The following ADAM12 variants were observed in gnomAD, a reference collection of about 807,000 sequenced individuals.
The protein encoded by ADAM12 is ADAM metallopeptidase domain 12, also known as disintegrin and metalloproteinase domain-containing protein 12.
A neutral mutation model predicts 106.4 loss-of-function variants in ADAM12; 70 were observed. The observed-to-expected ratio is 0.66, with a 90% CI of 0.54 to 0.80. The LOEUF (loss-of-function observed/expected upper bound fraction) is 0.80. Among genes scored for constraint, ADAM12 ranks in the 30% least tolerant of loss-of-function variants. The pLI is 0.00. For missense variants in ADAM12, 1,010 were observed against 1,171.9 expected, an observed-to-expected ratio of 0.86 and a Z score of 2.02; for synonymous variants, 420 against 433.5, an observed-to-expected ratio of 0.97 and a Z score of 0.39.
Position 126,169,237 on chromosome 10 carries a change from C to T in ADAM12, c.261-13932G>A, listed in dbSNP as rs546221797. Reference sequence around the variant, plus strand: ...CTGCCTCGCCAACTCTTAGTAACCCCCATCCAAAATGACAGTATCTGCAGC... The same window carrying T: ...CTGCCTCGCCAACTCTTAGTAACCCTCATCCAAAATGACAGTATCTGCAGC... On this transcript the variant is annotated intron_variant, in intron 3 of 22. Transcript: ENST00000448723. Among the ~76,000 whole-genome samples the T allele has an allele frequency of 5.9e-5, 9 of 152,326 alleles. No individual in the cohort carries two copies. The East Asian group carries it at 1.5e-3, about 26-fold the overall frequency.
At chr10:126,155,111 G>T (rs117234790) in intron 4 of ADAM12, 116 bp downstream of exon 4, 13 of 1,135,718 alleles carry the variant, frequency 1.1e-5, no homozygotes, top group African/African-American at 4.7e-5. Flanking sequence ...GCGCTTCTTG[G>T]GGGGGCCTAA....
chr10:126,263,154 T>C (rs1044331068), intron 3 of ADAM12, among the ~76,000 whole-genome samples: 2 of 152,206 alleles, frequency 1.3e-5, no homozygotes, highest in Non-Finnish European at 2.9e-5. Context: ...CCCTGCATGA[T>C]TCCTCATCTA....
Position 126,388,130 on chromosome 10 carries a change from G to A in ADAM12, c.16C>T (p.Leu6=). 1.6e-6 allele frequency: 2 copies of A among 1,217,878 alleles called. No homozygotes were observed. Among genetic ancestry groups the A allele is most frequent in the East Asian group, 3.3e-5 (1 of 30,144 alleles). The allele number at this position is 1,217,878 out of a possible 1,614,324, so 75.4% of individuals were successfully genotyped here. ...AGGGCGCGGGCGGGGGACACGGGCA[G>A]CGGGCGCGCTGCCATCGTCGCCGGC... MAARP[L]PVSPARALLL... The change falls in exon 1 of 23, where the codon CTG becomes TTG. Residue 6 remains leucine, a synonymous_variant. Coordinates refer to ENST00000448723, the MANE Select transcript of ADAM12 (RefSeq NM_001288973.2). The surrounding 1 kb of genome is among the most constrained non-coding windows in gnomAD (Gnocchi z 4.4).
chr10:126,095,715 T>C (rs1798879545), intron 10 of ADAM12, among the ~76,000 whole-genome samples: 2 of 151,672 alleles, frequency 1.3e-5, no homozygotes, highest in South Asian at 4.2e-4. Context: ...TGCCATGTGA[T>C]CCCCCGCACT....
At chr10:126,173,854 C>G (rs1480153282) in intron 3 of ADAM12, among the ~76,000 whole-genome samples, 1 of 151,818 alleles carries the variant, frequency 6.6e-6, no homozygotes, top group East Asian at 1.9e-4. Flanking sequence ...GAGTCAGCAT[C>G]GCAGGGGTCT....
chr10:126,121,356 T>A (rs1956106024), intron 5 of ADAM12, among the ~76,000 whole-genome samples: 1 of 124,166 alleles, frequency 8.1e-6, no homozygotes. Context: ...GTAACATATA[T>A]TATATATTAC....
In ADAM12 at chr10:126,066,752, C is replaced by T. The variant is rs867390805; in HGVS notation, c.1378G>A (p.Val460Met). The change falls in exon 13 of 23, where the codon GTG becomes ATG. Residue 460 changes from valine to methionine, a missense_variant. By Grantham distance (21) the Val-to-Met change is conservative. Around this residue, in one of 3 missense-constraint regions of ADAM12, gnomAD observed 615 missense variants for 708.5 expected, o/e 0.87. Transcript: ENST00000448723. The surrounding 1 kb of genome is among the most constrained non-coding windows in gnomAD (Gnocchi z 5.1). ...TCACAGCACAGCCCATGTGCGCACA[C>T]AGCGTCCGGCTTCAGGGTACAGGTG... ...ATTCTLKPDAVCAHGLCCEDC... is the reference protein window; with the variant it reads ...ATTCTLKPDAMCAHGLCCEDC... 37 of 1,614,124 alleles carry T rather than the reference C, an allele frequency of 2.3e-5. No homozygotes were observed. The East Asian group carries it at 6.2e-4, about 27-fold the overall frequency.
At chr10:126,324,347 G>C (rs1048240899) in intron 2 of ADAM12, among the ~76,000 whole-genome samples, 1 of 152,210 alleles carries the variant, frequency 6.6e-6, no homozygotes, top group Non-Finnish European at 1.5e-5. Context: ...TGCAAGCATG[G>C]TGTAAAGAAC....
chr10:126,378,182 A>T (rs1856360209), intron 1 of ADAM12, among the ~76,000 whole-genome samples: 1 of 152,208 alleles, frequency 6.6e-6, no homozygotes, highest in Non-Finnish European at 1.5e-5. Context: ...AGGTAACCAG[A>T]GCTCTCCAAT....
intron 17 of ADAM12, among the ~76,000 whole-genome samples, chr10:126,045,190 T>C (rs1363145388): frequency 6.6e-6 from 1 of 152,210 alleles, no homozygotes; most frequent in Non-Finnish European, 1.5e-5. Flanking sequence ...AGTAAAATAA[T>C]AGGACTGGAC....
intron 11 of ADAM12, among the ~76,000 whole-genome samples, chr10:126,075,679 C>T (rs1267557721): frequency 6.6e-6 from 1 of 152,152 alleles, no homozygotes; most frequent in Non-Finnish European, 1.5e-5. Context: ...GTGAGTGCAC[C>T]TCGGGAAAGA....
intron 2 of ADAM12, among the ~76,000 whole-genome samples, chr10:126,325,918 A>G (rs1339691969): frequency 7.9e-5 from 12 of 152,208 alleles, no homozygotes; most frequent in Admixed American, 7.9e-4. Flanking sequence ...TGCATTATAG[A>G]CAACAACCAA....
chr10:126,135,306 T>C (rs1172815505), intron 5 of ADAM12: 4 of 420,640 alleles, frequency 9.5e-6, no homozygotes, highest in African/African-American at 2.0e-5. Flanking sequence ...CACAAAATGC[T>C]TGGATGTAGA....
chr10:126,046,277 A>C (rs1270888502), intron 16 of ADAM12, 145 bp from the exon 17 acceptor site: 1 of 711,760 alleles, frequency 1.4e-6, no homozygotes, highest in East Asian at 2.7e-5. Context: ...GATGGAGCAT[A>C]ACAATACATT....
At chr10:126,266,191 C>T (rs1959093311) in intron 3 of ADAM12, among the ~76,000 whole-genome samples, 1 of 152,206 alleles carries the variant, frequency 6.6e-6, no homozygotes, top group Non-Finnish European at 1.5e-5. Context: ...AATTGCACTG[C>T]ACCTCCTGGC....
intron 4 of ADAM12, among the ~76,000 whole-genome samples, chr10:126,139,813 T>C (rs1551677): frequency 0.54 from 82,052 of 152,030 alleles, 22,874 homozygotes; most frequent in Non-Finnish European, 0.63. Context: ...CCAGGCCATC[T>C]GGGAGGGCAA....
chr10:126,113,363 T>G (rs1955905983), intron 6 of ADAM12, among the ~76,000 whole-genome samples: 1 of 151,786 alleles, frequency 6.6e-6, no homozygotes. Flanking sequence ...GAATGTGAGA[T>G]TTTAAAAATA....
In ADAM12 at chr10:126,280,908, C is replaced by CCTTTTT. The variant is rs1205499163; in HGVS notation, c.187-1921_187-1920insAAAAAG. 2.1e-3 allele frequency among the ~76,000 whole-genome samples: 320 copies of CCTTTTT among 152,276 alleles called. 1 individual carries two copies. In the South Asian group the frequency reaches 0.024, roughly 12 times the overall value. On this transcript the variant is annotated intron_variant, in intron 2 of 22. Coordinates refer to ENST00000448723, the MANE Select transcript of ADAM12 (RefSeq NM_001288973.2). ...GTGTTTATAAGAACTGTGTGCATTT[C>CCTTTTT]TGAGTGTTACTCGACTTTGAAAATT...
chr10:126,100,852 G>T (rs986678469), intron 9 of ADAM12, among the ~76,000 whole-genome samples: 1 of 152,174 alleles, frequency 6.6e-6, no homozygotes, highest in Non-Finnish European at 1.5e-5. Context: ...TTCTGTAGAG[G>T]GACAGGTTTT....
Sources: allele counts gnomAD v4.1 joint callset (sites outside exome capture counted in the v4.1 genomes callset), GRCh38; gene constraint gnomAD v4.1.1; regional missense constraint gnomAD v4.1.1; non-coding constraint Gnocchi (gnomAD v3.1); transcripts MANE v1.5; gene names NCBI Gene and HGNC (gene_info 2026-07-23, HGNC 2026-07-21).